The following TCERG1L variants were observed in gnomAD, a reference collection of about 807,000 sequenced individuals.
TCERG1L encodes the protein transcription elongation regulator 1 like.
In TCERG1L, 37 loss-of-function variants were observed where a neutral mutation model predicts 56.3. That is an observed-to-expected ratio of 0.66 (90% CI 0.51 to 0.87). The LOEUF (loss-of-function observed/expected upper bound fraction) is 0.87. Among genes scored for constraint, TCERG1L ranks in the 40% least tolerant of loss-of-function variants. TCERG1L has a pLI of 0.00. For missense variants in TCERG1L, 799 were observed against 774.2 expected, an observed-to-expected ratio of 1.03 and a Z score of -0.38; for synonymous variants, 324 against 326.3, an observed-to-expected ratio of 0.99 and a Z score of 0.08.
chr10:131,133,537 G>A (rs560023883), intron 8 of TCERG1L, among the ~76,000 whole-genome samples: 2 of 152,224 alleles, frequency 1.3e-5, no homozygotes, highest in South Asian at 2.1e-4. Context: ...AGCTCAGGAA[G>A]AGCCTGGGAA....
chr10:131,185,060 C>T (rs1845221313), intron 4 of TCERG1L, among the ~76,000 whole-genome samples: 2 of 152,122 alleles, frequency 1.3e-5, no homozygotes, highest in South Asian at 4.1e-4. Context: ...GATGCCACCA[C>T]ACTCCAGCCT....
chr10:131,260,179 AGGCCAGG>A lies in TCERG1L; in HGVS notation c.856+73_856+79del. 8.0e-7 allele frequency: 1 copy of A among 1,254,034 alleles called. No individual in the cohort carries two copies. The highest frequency in any genetic ancestry group is 1.0e-6 in the Non-Finnish European group (1 of 998,482). 77.7% of individuals were successfully genotyped at this position (1,254,034 alleles called of 1,614,324 possible). A position where few individuals can be genotyped will look rare whatever the true frequency, so the allele number is the denominator to read the frequency against. ...TTCAGGTCCCACAGCGCCTGGGCCC[AGGCCAGG>A]GGCATCTAACCAGGAAGCCTCCGCG... On this transcript the variant is annotated intron_variant, in intron 4 of 11. Transcript: ENST00000368642. The surrounding 1 kb of genome is among the most constrained non-coding windows in gnomAD (Gnocchi z 5.8).
chr10:131,228,265 GGCCTCCGGA>G, intron 4 of TCERG1L, among the ~76,000 whole-genome samples: 5 of 111,536 alleles, frequency 4.5e-5, no homozygotes, highest in Admixed American at 8.6e-5. Flanking sequence ...ATTTCCTCAA[GGCCTCCGGA>G]GTCTCCCCTC....
At chr10:131,278,338 CTTTTTTT>C (rs755934156) in intron 3 of TCERG1L, among the ~76,000 whole-genome samples, 5 of 137,076 alleles carry the variant, frequency 3.6e-5, no homozygotes, top group South Asian at 2.4e-4. Flanking sequence ...TTTCTTTTTT[CTTTTTTT>C]TTTTTTTTTT....
At chr10:131,236,479 C>T (rs1056859107) in intron 4 of TCERG1L, among the ~76,000 whole-genome samples, 3 of 152,200 alleles carry the variant, frequency 2.0e-5, no homozygotes, top group African/African-American at 4.8e-5. Context: ...CCAGGGTCAC[C>T]GTGCCCTGTG....
intron 4 of TCERG1L, among the ~76,000 whole-genome samples, chr10:131,182,961 T>C (rs1845197178): frequency 6.6e-6 from 1 of 152,326 alleles, no homozygotes; most frequent in Non-Finnish European, 1.5e-5. Context: ...GGATTGCTGG[T>C]TGTGCGCTAA....
chr10:131,263,728 C>T lies in TCERG1L; in HGVS notation c.671-3284G>A, dbSNP rs904481268. 1.1e-4 allele frequency among the ~76,000 whole-genome samples: 17 copies of T among 152,182 alleles called. 1 individual carries two copies. Among genetic ancestry groups the T allele is most frequent in the Admixed American group, 4.6e-4 (7 of 15,284 alleles). Reference sequence around the variant, plus strand: ...GACTGCAGGGTCCAAACAGTGTAAGCATGTGTCAGTGTAAGGAGGGAATTT... The same window carrying T: ...GACTGCAGGGTCCAAACAGTGTAAGTATGTGTCAGTGTAAGGAGGGAATTT... On this transcript the variant is annotated intron_variant, in intron 3 of 11. Coordinates refer to ENST00000368642, the MANE Select transcript of TCERG1L (RefSeq NM_174937.4).
intron 7 of TCERG1L, among the ~76,000 whole-genome samples, chr10:131,134,889 C>T (rs1228972990): frequency 6.6e-6 from 1 of 152,164 alleles, no homozygotes; most frequent in Non-Finnish European, 1.5e-5. Flanking sequence ...CGCTCAGCTC[C>T]TCTCCATCCA....
In TCERG1L at chr10:131,308,161, G is replaced by C. The variant is rs1031072833; in HGVS notation, c.670+50C>G. On this transcript the variant is annotated intron_variant, in intron 3 of 11. Coordinates refer to ENST00000368642, the MANE Select transcript of TCERG1L (RefSeq NM_174937.4). ...GTTTTCATATCTAAAACTAATTTATGATTGAAGCAAAAATGAAACAGACAT... is the reference window on the plus strand; with the variant it reads ...GTTTTCATATCTAAAACTAATTTATCATTGAAGCAAAAATGAAACAGACAT... 3.3e-6 allele frequency: 5 copies of C among 1,507,770 alleles called. No individual in the cohort carries two copies. In the African/African-American group the frequency reaches 5.6e-5, roughly 17 times the overall value. 93.4% of individuals were successfully genotyped at this position (1,507,770 alleles called of 1,614,324 possible).
At chr10:131,302,061 C>A (rs1033597992) in intron 3 of TCERG1L, among the ~76,000 whole-genome samples, 1 of 152,058 alleles carries the variant, frequency 6.6e-6, no homozygotes, top group Non-Finnish European at 1.5e-5. Flanking sequence ...TTCATTTGAT[C>A]GCTTTTTTAA....
intron 4 of TCERG1L, among the ~76,000 whole-genome samples, chr10:131,217,733 TTTTTTTG>T (rs1478356328): frequency 1.5e-4 from 17 of 114,324 alleles, no homozygotes; most frequent in Non-Finnish European, 1.9e-4. Flanking sequence ...TTTTTTTTTT[TTTTTTTG>T]AGACGGAGTC....
intron 7 of TCERG1L, among the ~76,000 whole-genome samples, chr10:131,137,289 C>A (rs1357503193): frequency 6.6e-6 from 1 of 152,192 alleles, no homozygotes; most frequent in Non-Finnish European, 1.5e-5. Context: ...GGCGCTGGGT[C>A]CCGAGCTCTC....
chr10:131,166,872 C>T lies in TCERG1L; in HGVS notation c.870G>A (p.Glu290=), dbSNP rs1206182388. ...CAGGAGGGCGGGCCACTCGGCCCCG[C>T]TCTGTCCTTGTATCTGTTGGGCCAA... ...RTSPVSDTRT[E]RGRVARPPAL... Residue 290 remains glutamate, a synonymous_variant, in exon 5 of 12, where the codon GAG becomes GAA. Coordinates refer to ENST00000368642, the MANE Select transcript of TCERG1L (RefSeq NM_174937.4). The T allele has an allele frequency of 7.4e-6, 12 of 1,612,226 alleles. No homozygotes were observed. Among genetic ancestry groups the T allele is most frequent in the South Asian group, 1.1e-5 (1 of 91,020 alleles).
In TCERG1L at chr10:131,260,210, C is replaced by A; in HGVS notation, c.856+49G>T. The stretch of plus-strand genomic sequence containing the variant: ...GGGGCATCTAACCAGGAAGCCTCCG[C>A]GCGCTCGCTAAGGCAGCACCAGGCG... On this transcript the variant is annotated intron_variant, in intron 4 of 11. Coordinates refer to ENST00000368642, the MANE Select transcript of TCERG1L (RefSeq NM_174937.4). This position sits in a 1 kb window ranked among gnomAD's most constrained non-coding sequence, Gnocchi z 5.8. The A allele has an allele frequency of 7.6e-7, 1 of 1,309,090 alleles. No individual in the cohort carries two copies. Among genetic ancestry groups the A allele is most frequent in the Non-Finnish European group, 9.7e-7 (1 of 1,026,526 alleles). The allele number at this position is 1,309,090 out of a possible 1,614,324, so 81.1% of individuals were successfully genotyped here.
At chr10:131,291,294 T>C (rs1846618284) in intron 3 of TCERG1L, among the ~76,000 whole-genome samples, 1 of 151,714 alleles carries the variant, frequency 6.6e-6, no homozygotes, top group Non-Finnish European at 1.5e-5. Flanking sequence ...TAGAATAATT[T>C]TAATCCCATA....
chr10:131,124,783 C>T (rs557629000), intron 8 of TCERG1L, among the ~76,000 whole-genome samples: 79 of 152,282 alleles, frequency 5.2e-4, no homozygotes, highest in Middle Eastern at 3.4e-3. Context: ...GAACGCTGGG[C>T]GCTAATAAAA....
intron 9 of TCERG1L, among the ~76,000 whole-genome samples, chr10:131,113,465 C>G (rs1564794149): frequency 7.0e-6 from 1 of 142,270 alleles, no homozygotes; most frequent in African/African-American, 2.5e-5. Flanking sequence ...ACGGACAGGG[C>G]AAGGCTGCCC....
intron 6 of TCERG1L, among the ~76,000 whole-genome samples, chr10:131,148,020 C>T (rs966460725): frequency 6.6e-6 from 1 of 152,228 alleles, no homozygotes; most frequent in Non-Finnish European, 1.5e-5. Context: ...CCAGAAATCA[C>T]CCTGAGAAGG....
intron 8 of TCERG1L, among the ~76,000 whole-genome samples, chr10:131,125,550 G>T (rs1370647993): frequency 6.6e-6 from 1 of 152,208 alleles, no homozygotes; most frequent in Non-Finnish European, 1.5e-5. Context: ...GACAAACTTT[G>T]AAAGATCTGT....
Sources: allele counts gnomAD v4.1 joint callset (sites outside exome capture counted in the v4.1 genomes callset), GRCh38; gene constraint gnomAD v4.1.1; non-coding constraint Gnocchi (gnomAD v3.1); transcripts MANE v1.5; gene names NCBI Gene and HGNC (gene_info 2026-07-23, HGNC 2026-07-21).